Variants in IGF2R observed in about 807,000 individuals in gnomAD.
IGF2R encodes cation-independent mannose-6-phosphate receptor.
A neutral mutation model predicts 270.6 loss-of-function variants in IGF2R; 91 were observed. The observed-to-expected ratio is 0.34, with a 90% CI of 0.28 to 0.40. IGF2R has a LOEUF of 0.40. Ranked by LOEUF, IGF2R falls within the 10% of genes least tolerant of loss-of-function variation. The pLI is 1.00. For synonymous variants in IGF2R, 1,316 were observed against 1,258.9 expected (o/e 1.05, Z -0.96); for missense variants, 2,805 against 3,188.3 (o/e 0.88, Z 2.90).
At chr6:160,008,544 A>G (rs1784282995) in intron 2 of IGF2R, among the ~76,000 whole-genome samples, 1 of 152,102 alleles carries the variant, frequency 6.6e-6, no homozygotes, top group Admixed American at 6.5e-5. Context: ...GAGAATGTTG[A>G]TTTTGTAGCA....
At position 160,010,798 on chromosome 6, in the gene IGF2R, C is replaced by G; in HGVS notation, c.513+13C>G. The G allele has an allele frequency of 7.0e-7, 1 of 1,419,846 alleles. No homozygotes were observed. Among genetic ancestry groups the G allele is most frequent in the South Asian group, 1.1e-5 (1 of 87,140 alleles). 88.0% of individuals were successfully genotyped at this position (1,419,846 alleles called of 1,614,324 possible). On this transcript the variant is annotated intron_variant, in intron 4 of 47. Transcript: ENST00000356956. ...AGCAAATAAGGAGGTAACATGGGAACTTCAAATTACATGCTTATGAAGTAT... is the reference window on the plus strand; with the variant it reads ...AGCAAATAAGGAGGTAACATGGGAAGTTCAAATTACATGCTTATGAAGTAT...
intron 4 of IGF2R, among the ~76,000 whole-genome samples, chr6:160,020,706 A>G (rs1777412757): frequency 6.6e-6 from 1 of 152,224 alleles, no homozygotes; most frequent in African/African-American, 2.4e-5. Flanking sequence ...AGGACACCCT[A>G]TTTAGTAAAT....
intron 19 of IGF2R, among the ~76,000 whole-genome samples, chr6:160,054,683 A>G (rs1284370409): frequency 6.6e-6 from 1 of 152,198 alleles, no homozygotes; most frequent in Non-Finnish European, 1.5e-5. Flanking sequence ...CCCTTGGCTA[A>G]GAGTGGGGTG....
chr6:159,973,675 T>A (rs186359322), intron 1 of IGF2R, among the ~76,000 whole-genome samples: 117 of 152,322 alleles, frequency 7.7e-4, no homozygotes, highest in Middle Eastern at 6.8e-3. Flanking sequence ...GGTTGTTAAT[T>A]ATGGTTACAT....
intron 41 of IGF2R, 31 bp downstream of exon 41, chr6:160,085,162 A>G: frequency 6.2e-7 from 1 of 1,607,116 alleles, no homozygotes; most frequent in South Asian, 1.1e-5. Context: ...TCCTTGGTTC[A>G]AGGAGCAGCA....
At chr6:160,007,383 C>T (rs568790602) in intron 2 of IGF2R, 3 of 152,318 alleles carry the variant, frequency 2.0e-5, no homozygotes, top group Admixed American at 2.0e-4. Context: ...ATGGCTGACA[C>T]TTGGTATTTA....
chr6:160,089,154 C>G lies in IGF2R; in HGVS notation c.6368C>G (p.Ala2123Gly). ...CTYYFSWDSR[A>G]ACAVKPQEVQ... ...TACTACTTCAGCTGGGACTCCCGGG[C>G]TGCCTGCGCCGTGAAGCCTCAGGAG... The change falls in exon 43 of 48, where the codon GCT becomes GGT. Residue 2123 changes from alanine to glycine, a missense_variant. This residue lies in a region of IGF2R where 1,851 missense variants were observed against 2,207.2 expected (regional missense o/e 0.84). Transcript: ENST00000356956. 6.2e-7 allele frequency: 1 copy of G among 1,614,114 alleles called. No individual in the cohort carries two copies. Among genetic ancestry groups the G allele is most frequent in the Non-Finnish European group, 8.5e-7 (1 of 1,179,938 alleles).
intron 43 of IGF2R, 109 bp from the exon 44 acceptor site, chr6:160,089,807 G>A (rs1779179016): frequency 2.9e-6 from 2 of 698,988 alleles, no homozygotes; most frequent in African/African-American, 3.7e-5. Flanking sequence ...CTTTCCCTAG[G>A]AAAGGAAGCA....
intron 5 of IGF2R, 138 bp from the exon 6 acceptor site, chr6:160,027,047 T>C (rs1777575985): frequency 2.2e-6 from 2 of 910,316 alleles, no homozygotes; most frequent in Non-Finnish European, 3.4e-6. Context: ...GTTAATGGCT[T>C]GCCCAAGGTT....
chr6:160,062,473 C>T (rs1331281289), intron 25 of IGF2R, 59 bp from the exon 26 acceptor site: 1 of 1,354,756 alleles, frequency 7.4e-7, no homozygotes, highest in East Asian at 2.3e-5. Flanking sequence ...TGCCCGGCCC[C>T]ATTTGATTAA....
chr6:160,097,061 T>C (rs1482196831), intron 45 of IGF2R, among the ~76,000 whole-genome samples: 1 of 152,234 alleles, frequency 6.6e-6, no homozygotes, highest in Non-Finnish European at 1.5e-5. Flanking sequence ...AGTTTCACTT[T>C]GATTTGAGTG....
rs8191799 is a variant in IGF2R, at chr6:160,046,248, T to C, written c.1904-250T>C. ...CTGTTGTTTATTAGCCCAGCAGTTA[T>C]GGGCTTTGAATAGCGCTTTAGGCTA... On this transcript the variant is annotated intron_variant, in intron 14 of 47. Transcript: ENST00000356956. Among the ~76,000 whole-genome samples the C allele has an allele frequency of 2.2e-3, 338 of 152,352 alleles. 3 individuals are homozygous for C. Among genetic ancestry groups the C allele is most frequent in the African/African-American group, 7.6e-3 (317 of 41,576 alleles).
At chr6:160,094,072 C>A in intron 44 of IGF2R, 1 of 523,282 alleles carries the variant, frequency 1.9e-6, no homozygotes, top group South Asian at 1.6e-5. Flanking sequence ...TCCACCAGCC[C>A]TACCTCCACC....
chr6:160,062,472 C>T (rs1778461503), intron 25 of IGF2R, 60 bp from the exon 26 acceptor site: 2 of 1,339,452 alleles, frequency 1.5e-6, no homozygotes, highest in African/African-American at 2.9e-5. Context: ...GTGCCCGGCC[C>T]CATTTGATTA....
chr6:160,100,613 C>T (rs190646446), intron 45 of IGF2R, among the ~76,000 whole-genome samples: 10 of 151,948 alleles, frequency 6.6e-5, no homozygotes, highest in East Asian at 1.9e-4. Context: ...AATAGACATG[C>T]GCAGAACACT....
intron 34 of IGF2R, 98 bp from the exon 35 acceptor site, chr6:160,073,659 T>G (rs944384556): frequency 3.0e-5 from 35 of 1,184,630 alleles, no homozygotes; most frequent in East Asian, 1.7e-4. Flanking sequence ...TTCTACTTTT[T>G]TTGTTGTTGT....
rs1365221897 is a variant in IGF2R, at chr6:160,099,108, GCA to G, written c.6842+2486_6842+2487del. ...ATGGAAGGGGCAGGCTATGTGCCCA[GCA>G]CAGTTATTGATGACAAGACCCACCC... On this transcript the variant is annotated intron_variant, in intron 45 of 47. Coordinates refer to ENST00000356956, the MANE Select transcript of IGF2R (RefSeq NM_000876.4). Among the ~76,000 whole-genome samples, 8 of 152,204 alleles carry G rather than the reference GCA, an allele frequency of 5.3e-5. No homozygotes were observed. In the South Asian group the frequency reaches 1.4e-3, roughly 28 times the overall value.
chr6:160,093,531 C>G, intron 44 of IGF2R: 1 of 606,954 alleles, frequency 1.6e-6, no homozygotes, highest in South Asian at 1.7e-5. Context: ...GTTCAGCAAC[C>G]TGGACAAAGG....
chr6:159,984,708 A>G (rs994451125), intron 1 of IGF2R, among the ~76,000 whole-genome samples: 4 of 152,312 alleles, frequency 2.6e-5, no homozygotes, highest in Admixed American at 2.6e-4. Context: ...GAGCAGTGAC[A>G]GAATTGCCTC....
Sources: gnomAD v4.1 joint callset for allele counts (sites outside exome capture counted in the v4.1 genomes callset) on GRCh38, gnomAD v4.1.1 for gene constraint, gnomAD v4.1.1 regional missense constraint, MANE v1.5 for transcripts, NCBI Gene and HGNC (gene_info 2026-07-23, HGNC 2026-07-21) for gene names.